Variants in ZNF227 observed in about 807,000 individuals in gnomAD.
ZNF227 encodes the protein zinc finger protein 227.
ZNF227 carries 12 observed loss-of-function variants against 13.2 expected under a neutral mutation model. The ratio of observed to expected loss-of-function variants is 0.91; its 90% confidence interval spans 0.58 to 1.47. The LOEUF (loss-of-function observed/expected upper bound fraction) is 1.47, where lower values mean the gene tolerates loss of function less well. Ranked by LOEUF, ZNF227 falls within the 40% of genes most tolerant of loss-of-function variation. The probability of loss-of-function intolerance (pLI) is 0.00; values close to 1 mark genes in which losing one functional copy is unlikely to be tolerated. For missense variants in ZNF227, 885 were observed against 967.5 expected (o/e 0.91, Z 1.13); for synonymous variants, 338 against 326.0 (o/e 1.04, Z -0.40).
intron 2 of ZNF227, 126 bp from the exon 3 acceptor site, chr19:44,217,665 T>C: frequency 1.0e-6 from 1 of 1,000,906 alleles, no homozygotes; most frequent in South Asian, 1.3e-5. Context: ...ATACAGTCCA[T>C]GTTCTGCTTA....
chr19:44,218,569 C>A (rs1003981538), intron 3 of ZNF227, among the ~76,000 whole-genome samples: 2 of 152,108 alleles, frequency 1.3e-5, no homozygotes, highest in African/African-American at 2.4e-5. Flanking sequence ...TCATTTATTT[C>A]TTGTATGAAT....
At position 44,236,109 on chromosome 19, in the gene ZNF227, G is replaced by T. The variant is rs1048585070; in HGVS notation, c.1679G>T (p.Ser560Ile). 2 of 1,613,860 alleles carry T rather than the reference G, an allele frequency of 1.2e-6. No individual in the cohort carries two copies. The highest frequency in any genetic ancestry group is 1.7e-6 in the Non-Finnish European group (2 of 1,179,956). ...GTGTGTGGTAAGGACTTCAGTTATA[G>T]TTCAAATCTTAAACTACACCAAGTA... The part of the protein sequence containing the change: ...CDVCGKDFSY[S>I]SNLKLHQVIH... The change falls in exon 6 of 6, where the codon AGT becomes ATT. Residue 560 changes from serine (S) to isoleucine (I), a missense_variant. Coordinates refer to ENST00000313040, the MANE Select transcript of ZNF227 (RefSeq NM_182490.3).
Position 44,235,775 on chromosome 19 carries a change from T to A in ZNF227, c.1345T>A (p.Ser449Thr), listed in dbSNP as rs772279327. Reference protein sequence around the residue: ...DVCGKGFSHNSPLICHRRVHT... With the variant: ...DVCGKGFSHNTPLICHRRVHT... ...GTGTGGTAAGGGCTTCAGCCACAATTCACCATTAATATGCCATCGGAGAGT... is the reference window on the plus strand; with the variant it reads ...GTGTGGTAAGGGCTTCAGCCACAATACACCATTAATATGCCATCGGAGAGT... Residue 449 changes from serine to threonine, a missense_variant, in exon 6 of 6, where the codon TCA becomes ACA. Ser to Thr is a moderately conservative substitution (Grantham distance 58). Coordinates refer to ENST00000313040, the MANE Select transcript of ZNF227 (RefSeq NM_182490.3). 15 of 1,613,376 alleles carry A rather than the reference T, an allele frequency of 9.3e-6. No individual in the cohort carries two copies. Among genetic ancestry groups the A allele is most frequent in the Non-Finnish European group, 1.2e-5 (14 of 1,179,858 alleles).
intron 3 of ZNF227, among the ~76,000 whole-genome samples, chr19:44,219,584 G>A (rs1972236664): frequency 6.6e-6 from 1 of 151,898 alleles, no homozygotes; most frequent in African/African-American, 2.4e-5. Flanking sequence ...TTATATATTG[G>A]TTTTACTTAT....
upstream of ZNF227, among the ~76,000 whole-genome samples, chr19:44,208,427 C>T (rs1025201972): frequency 7.9e-5 from 12 of 152,184 alleles, no homozygotes; most frequent in Non-Finnish European, 2.9e-5. Context: ...GTGATAGGGA[C>T]AGTGGGTTGT....
At chr19:44,220,054 G>C (rs1972316784) in intron 3 of ZNF227, among the ~76,000 whole-genome samples, 1 of 151,936 alleles carries the variant, frequency 6.6e-6, no homozygotes, top group Non-Finnish European at 1.5e-5. Context: ...CCTTGCGATA[G>C]TTTGCTGAGA....
chr19:44,207,995 C>T (rs1044793950), upstream of ZNF227: 2 of 152,130 alleles, frequency 1.3e-5, no homozygotes, highest in Non-Finnish European at 2.9e-5. Context: ...TCCAAAATAC[C>T]GTTATGTGGT....
chr19:44,223,409 T>G (rs981774509), intron 3 of ZNF227, among the ~76,000 whole-genome samples: 2 of 152,230 alleles, frequency 1.3e-5, no homozygotes, highest in Admixed American at 6.5e-5. Context: ...TCTTTTTGGT[T>G]GGTAAGCTAT....
Position 44,235,298 on chromosome 19 carries a change from A to T in ZNF227, c.868A>T (p.Ile290Phe), listed in dbSNP as rs199934452. Reference protein sequence around the residue: ...QSSHLRTHQRIHPGEKLNRCH... With the variant: ...QSSHLRTHQRFHPGEKLNRCH... ...CTCACATCTGCGAACTCATCAGAGA[A>T]TTCACCCAGGAGAGAAACTCAATAG... is the stretch of plus-strand genomic sequence containing the variant. Residue 290 changes from isoleucine to phenylalanine, a missense_variant, in exon 6 of 6, where the codon ATT (isoleucine) becomes TTT (phenylalanine). By Grantham distance (21) the Ile-to-Phe change is conservative. Coordinates refer to ENST00000313040, the MANE Select transcript of ZNF227 (RefSeq NM_182490.3). The T allele has an allele frequency of 6.2e-7, 1 of 1,614,206 alleles. No individual in the cohort carries two copies. Among genetic ancestry groups the T allele is most frequent in the African/African-American group, 1.3e-5 (1 of 75,060 alleles).
chr19:44,221,920 A>G lies in ZNF227; in HGVS notation c.60+4068A>G, dbSNP rs561684479. On this transcript the variant is annotated intron_variant, in intron 3 of 5. Transcript: ENST00000313040. ...GGTCTAATGTTTAAGTCTTTAATCC[A>G]TCTTGAATTAATTTTTGTATAAAGT... is the stretch of plus-strand genomic sequence containing the variant. Among the ~76,000 whole-genome samples the G allele has an allele frequency of 3.8e-3, 574 of 152,288 alleles. 1 individual carries two copies. Among genetic ancestry groups the G allele is most frequent in the African/African-American group, 0.013 (555 of 41,554 alleles).
intron 3 of ZNF227, among the ~76,000 whole-genome samples, chr19:44,218,742 C>T (rs1444257018): frequency 6.6e-6 from 1 of 152,128 alleles, no homozygotes; most frequent in Non-Finnish European, 1.5e-5. Flanking sequence ...TATAACTGCC[C>T]CAAATTTCCC....
Position 44,235,091 on chromosome 19 carries a change from A to C in ZNF227, c.661A>C (p.Thr221Pro), listed in dbSNP as rs374751184. Residue 221 changes from threonine (T) to proline (P), a missense_variant, in exon 6 of 6, where the codon ACA becomes CCA. Physicochemically the swap from Thr to Pro is conservative, Grantham distance 38. Transcript: ENST00000313040. The part of the protein sequence containing the change: ...SPFHEHIKTD[T>P]EPKPCKGNEY... The stretch of plus-strand genomic sequence containing the variant: ...ATTTCATGAGCATATTAAAACTGAC[A>C]CAGAACCAAAACCCTGCAAAGGTAA... 1 of 1,613,922 alleles carries C rather than the reference A, an allele frequency of 6.2e-7. No individual in the cohort carries two copies. The highest frequency in any genetic ancestry group is 1.1e-5 in the South Asian group (1 of 90,964).
chr19:44,228,460 C>G lies in ZNF227; in HGVS notation c.75C>G (p.Phe25Leu). 6.2e-7 allele frequency: 1 copy of G among 1,612,856 alleles called. No homozygotes were observed. Among genetic ancestry groups the G allele is most frequent in the Non-Finnish European group, 8.5e-7 (1 of 1,179,652 alleles). Residue 25 changes from phenylalanine to leucine, a missense_variant, in exon 4 of 6, where the codon TTC (phenylalanine) becomes TTG (leucine). By Grantham distance (22) the Phe-to-Leu change is conservative. Transcript: ENST00000313040. The part of the protein sequence containing the change: ...KMTKFQEAVT[F>L]KDVAVVFSRE... The stretch of plus-strand genomic sequence containing the variant: ...TGATATTGTAGGAGGCTGTGACATT[C>G]AAGGATGTGGCTGTGGTCTTCTCCA...
chr19:44,218,173 C>T (rs1972088324), intron 3 of ZNF227, among the ~76,000 whole-genome samples: 1 of 152,172 alleles, frequency 6.6e-6, no homozygotes, highest in Non-Finnish European at 1.5e-5. Context: ...ATTGTGCATT[C>T]TCCACTTAAT....
At chr19:44,208,826 T>A (rs1380208701), upstream of ZNF227, among the ~76,000 whole-genome samples, 5 of 152,172 alleles carry the variant, frequency 3.3e-5, no homozygotes, top group Non-Finnish European at 7.3e-5. Context: ...ATATTCTCCT[T>A]ATAGAAATAA....
At position 44,236,616 on chromosome 19, in the gene ZNF227, C is replaced by T; in HGVS notation, c.2186C>T (p.Ser729Leu). 1 of 1,614,072 alleles carries T rather than the reference C, an allele frequency of 6.2e-7. No individual in the cohort carries two copies. Among genetic ancestry groups the T allele is most frequent in the Non-Finnish European group, 8.5e-7 (1 of 1,180,024 alleles). ...TGTGGTAAGGCCTTCAGTCTCCCCT[C>T]AAATCTTCGAGTCCACCTGGGTGTT... ...EECGKAFSLP[S>L]NLRVHLGVHT... Residue 729 changes from serine (S) to leucine (L), a missense_variant, in exon 6 of 6, where the codon TCA (serine) becomes TTA (leucine). By Grantham distance (145) the Ser-to-Leu change is moderately radical (BLOSUM62 -2). Coordinates refer to ENST00000313040, the MANE Select transcript of ZNF227 (RefSeq NM_182490.3).
rs761490811 is a variant in ZNF227, at chr19:44,236,851, A to C, written c.*21A>C. 1.3e-6 allele frequency: 2 copies of C among 1,535,068 alleles called. No homozygotes were observed. Among genetic ancestry groups the C allele is most frequent in the Non-Finnish European group, 1.7e-6 (2 of 1,143,154 alleles). ...TTTAGAAATGAGAAATGTGTTACCA[A>C]CTTTTGTCTGAATGCACATCTTCAA... is the stretch of plus-strand genomic sequence containing the variant. On this transcript the variant is annotated 3_prime_UTR_variant, in exon 6 of 6. Coordinates refer to ENST00000313040, the MANE Select transcript of ZNF227 (RefSeq NM_182490.3).
In ZNF227 at chr19:44,230,184, T is replaced by G. The variant is rs548103446; in HGVS notation, c.271+368T>G. Among the ~76,000 whole-genome samples, 220 of 152,098 alleles carry G rather than the reference T, an allele frequency of 1.4e-3. 2 individuals carry two copies. The highest frequency in any genetic ancestry group is 5.2e-3 in the African/African-American group (216 of 41,476). ...GTATATATCATGATACCTGGCTAATTTTTTATTTTTTGTAGAGATGAGGTC... is the reference window on the plus strand; with the variant it reads ...GTATATATCATGATACCTGGCTAATGTTTTATTTTTTGTAGAGATGAGGTC... On this transcript the variant is annotated intron_variant, in intron 5 of 5. Coordinates refer to ENST00000313040, the MANE Select transcript of ZNF227 (RefSeq NM_182490.3).
Position 44,236,386 on chromosome 19 carries a change from A to T in ZNF227, c.1956A>T (p.Arg652Ser), listed in dbSNP as rs777601179. 21 of 1,613,986 alleles carry T rather than the reference A, an allele frequency of 1.3e-5. No individual in the cohort carries two copies. The highest frequency in any genetic ancestry group is 6.6e-5 in the South Asian group (6 of 91,080). Residue 652 changes from arginine (R) to serine (S), a missense_variant, in exon 6 of 6, where the codon AGA becomes AGT. Physicochemically the swap from Arg to Ser is moderately radical, Grantham distance 110 (BLOSUM62 -1). Coordinates refer to ENST00000313040, the MANE Select transcript of ZNF227 (RefSeq NM_182490.3). ...SQSSGLQSHQ[R>S]VHTGEKPYKC... ...CCTCTGGTCTTCAATCCCATCAGAG[A>T]GTCCACACGGGGGAAAAGCCATACA... is the stretch of plus-strand genomic sequence containing the variant.
Sources: gnomAD v4.1 joint callset for allele counts (sites outside exome capture counted in the v4.1 genomes callset) on GRCh38, gnomAD v4.1.1 for gene constraint, MANE v1.5 for transcripts, NCBI Gene and HGNC (gene_info 2026-07-23, HGNC 2026-07-21) for gene names.